The following SLA variants were observed in gnomAD, a reference collection of about 807,000 sequenced individuals.
SLA encodes the protein Src like adaptor.
SLA carries 16 observed loss-of-function variants against 30.3 expected under a neutral mutation model. The observed-to-expected ratio is 0.53, with a 90% confidence interval of 0.36 to 0.80. The LOEUF (loss-of-function observed/expected upper bound fraction) is 0.80, where lower values mean the gene tolerates loss of function less well. Among genes scored for constraint, SLA ranks in the 30% least tolerant of loss-of-function variants. The pLI is 0.01. For synonymous variants in SLA, 143 were observed against 137.8 expected (o/e 1.04, Z -0.26); for missense variants, 310 against 345.2 (o/e 0.90, Z 0.81).
chr8:133,062,420 C>G (rs1008992169), intron 2 of SLA, among the ~76,000 whole-genome samples: 2 of 152,240 alleles, frequency 1.3e-5, no homozygotes, highest in African/African-American at 4.8e-5. Flanking sequence ...CAGCAGGTGG[C>G]GTGACTCCAA....
At chr8:133,095,079 C>T in intron 1 of SLA, 1 of 1,614,172 alleles carries the variant, frequency 6.2e-7, no homozygotes, top group Non-Finnish European at 8.5e-7. Context: ...CCGTCATCAG[C>T]CATGAGAGGG....
intron 2 of SLA, among the ~76,000 whole-genome samples, chr8:133,064,698 TC>T (rs1842821200): frequency 6.6e-6 from 1 of 152,232 alleles, no homozygotes; most frequent in Admixed American, 6.5e-5. Context: ...CCAGCAGCCC[TC>T]CTCTTAATAG....
intron 5 of SLA, among the ~76,000 whole-genome samples, chr8:133,048,244 G>C (rs1213214185): frequency 6.6e-6 from 1 of 151,664 alleles, no homozygotes; most frequent in Non-Finnish European, 1.5e-5. Context: ...TTTTGGAAAT[G>C]GATCCCTGCT....
At chr8:133,060,661 A>G (rs751836744) in intron 2 of SLA, among the ~76,000 whole-genome samples, 15 of 152,306 alleles carry the variant, frequency 9.8e-5, no homozygotes, top group Non-Finnish European at 8.8e-5. Context: ...ACTTTTTGTC[A>G]TCCTTTTGAG....
At chr8:133,053,336 G>T (rs775008902) in intron 3 of SLA, among the ~76,000 whole-genome samples, 47 of 152,322 alleles carry the variant, frequency 3.1e-4, no homozygotes, top group Non-Finnish European at 6.2e-4. Context: ...CAGAATACTG[G>T]TGTCTTCTGT....
At chr8:133,076,186 C>CTCACACCTCTG (rs1844834368) in intron 1 of SLA, 1 of 152,238 alleles carries the variant, frequency 6.6e-6, no homozygotes, top group South Asian at 2.1e-4. Flanking sequence ...CCCCTCACAC[C>CTCACACCTCTG]TCACAGAGTG....
At chr8:133,049,035 C>T (rs923740459) in intron 5 of SLA, 4 of 375,344 alleles carry the variant, frequency 1.1e-5, no homozygotes, top group Admixed American at 3.4e-5. Context: ...TTCCAGCTTC[C>T]GACACTTGAC....
At chr8:133,060,032 C>T in intron 3 of SLA, 68 bp downstream of exon 3, 1 of 1,477,436 alleles carries the variant, frequency 6.8e-7, no homozygotes, top group South Asian at 1.4e-5. Context: ...GCATCCACCA[C>T]CGCCCAGTCT....
At chr8:133,057,338 T>C (rs939115164) in intron 3 of SLA, among the ~76,000 whole-genome samples, 1 of 152,238 alleles carries the variant, frequency 6.6e-6, no homozygotes, top group South Asian at 2.1e-4. Flanking sequence ...ACTGCCCATG[T>C]CTGGTACAGA....
intron 7 of SLA, among the ~76,000 whole-genome samples, chr8:133,042,053 C>T (rs1223968557): frequency 6.6e-6 from 1 of 152,040 alleles, no homozygotes; most frequent in Non-Finnish European, 1.5e-5. Flanking sequence ...TCCCAAAGTG[C>T]TGGGATTACA....
intron 7 of SLA, among the ~76,000 whole-genome samples, chr8:133,044,758 G>C (rs937751563): frequency 1.3e-5 from 2 of 152,190 alleles, no homozygotes; most frequent in Non-Finnish European, 2.9e-5. Flanking sequence ...TGTACACTTC[G>C]AGAGAGGGCA....
At chr8:133,089,623 C>T (rs59799876) in intron 1 of SLA, among the ~76,000 whole-genome samples, 37,739 of 152,112 alleles carry the variant, frequency 0.25, 4,940 homozygotes, top group African/African-American at 0.28. Flanking sequence ...TTCTTCTCTT[C>T]ATTTAGAAGT....
At chr8:133,081,371 G>T (rs185753667) in intron 1 of SLA, among the ~76,000 whole-genome samples, 1 of 152,338 alleles carries the variant, frequency 6.6e-6, no homozygotes, top group South Asian at 2.1e-4. Flanking sequence ...TCACCTCTGG[G>T]GAAGACAATA....
chr8:133,059,664 G>A (rs1271858956), intron 3 of SLA, among the ~76,000 whole-genome samples: 1 of 152,134 alleles, frequency 6.6e-6, no homozygotes, highest in Non-Finnish European at 1.5e-5. Context: ...CACAGATCCA[G>A]CTCTTGCGGG....
intron 1 of SLA, among the ~76,000 whole-genome samples, chr8:133,086,129 T>C (rs1846521090): frequency 6.6e-6 from 1 of 152,246 alleles, no homozygotes; most frequent in African/African-American, 2.4e-5. Flanking sequence ...TGATTCCATT[T>C]ATATGAAATG....
intron 1 of SLA, among the ~76,000 whole-genome samples, chr8:133,092,623 G>T (rs936114271): frequency 2.0e-5 from 3 of 152,166 alleles, no homozygotes; most frequent in African/African-American, 7.2e-5. Context: ...ATGGTTGATT[G>T]TTCTCATCAC....
intron 2 of SLA, among the ~76,000 whole-genome samples, chr8:133,070,365 G>A (rs1051664041): frequency 6.6e-6 from 1 of 152,184 alleles, no homozygotes; most frequent in Non-Finnish European, 1.5e-5. Flanking sequence ...TTGCCCACAG[G>A]CCTCTCTATT....
At chr8:133,073,411 A>T (rs1387102841) in intron 2 of SLA, among the ~76,000 whole-genome samples, 2 of 152,094 alleles carry the variant, frequency 1.3e-5, no homozygotes, top group Non-Finnish European at 2.9e-5. Context: ...GCTGGAGTGC[A>T]GTGGCACCAT....
At chr8:133,043,175 G>A (rs765228716) in intron 7 of SLA, among the ~76,000 whole-genome samples, 3 of 152,106 alleles carry the variant, frequency 2.0e-5, no homozygotes, top group Non-Finnish European at 2.9e-5. Context: ...GCGGGAAGGC[G>A]CCAGTGCTGC....
Sources: gnomAD v4.1 joint callset for allele counts (sites outside exome capture counted in the v4.1 genomes callset) on GRCh38, gnomAD v4.1.1 for gene constraint, MANE v1.5 for transcripts, NCBI Gene and HGNC (gene_info 2026-07-23, HGNC 2026-07-21) for gene names.